FARP1: variants seen among roughly 807,000 people sequenced by gnomAD.
FARP1 encodes the protein FERM, ARHGEF and pleckstrin domain-containing protein 1.
Under a neutral mutation model 128.8 loss-of-function variants are expected in FARP1, and 52 were observed. That is an observed-to-expected ratio of 0.40 (90% CI 0.32 to 0.51). The LOEUF is 0.51. FARP1 is among the 20% of genes least tolerant of loss of function. FARP1 has a pLI of 0.45. For synonymous variants in FARP1, 580 were observed against 551.8 expected, an observed-to-expected ratio of 1.05 and a Z score of -0.72; for missense variants, 1,333 against 1,367.9, an observed-to-expected ratio of 0.97 and a Z score of 0.40.
At chr13:98,144,133 T>G (rs1308143266) in intron 1 of FARP1, among the ~76,000 whole-genome samples, 2 of 152,124 alleles carry the variant, frequency 1.3e-5, no homozygotes, top group Non-Finnish European at 2.9e-5. Context: ...CCAAACAACT[T>G]CTGATTGTGG....
intron 2 of FARP1, among the ~76,000 whole-genome samples, chr13:98,222,741 C>T (rs1881493232): frequency 6.6e-6 from 1 of 151,512 alleles, no homozygotes; most frequent in Non-Finnish European, 1.5e-5. Flanking sequence ...CCTGCCTCAG[C>T]CTCCCCAGTA....
chr13:98,177,046 G>T, intron 1 of FARP1: 3 of 1,593,746 alleles, frequency 1.9e-6, no homozygotes, highest in Admixed American at 3.4e-5. Context: ...CCGGGGCCTC[G>T]GTGCCACCCG....
chr13:98,308,557 A>C (rs1175545852), intron 2 of FARP1, among the ~76,000 whole-genome samples: 1 of 152,234 alleles, frequency 6.6e-6, no homozygotes, highest in African/African-American at 2.4e-5. Context: ...TCCAGACTAG[A>C]GTGTGCTGGA....
intron 2 of FARP1, among the ~76,000 whole-genome samples, chr13:98,239,150 C>A (rs1180652037): frequency 1.3e-5 from 2 of 152,150 alleles, no homozygotes; most frequent in African/African-American, 2.4e-5. Context: ...GGAAATAACA[C>A]CAGCATTCAG....
At chr13:98,165,709 GGTTTTTTTTTTTTTTT>G (rs1877204375) in intron 1 of FARP1, among the ~76,000 whole-genome samples, 1 of 102,404 alleles carries the variant, frequency 9.8e-6, no homozygotes, top group Non-Finnish European at 2.0e-5. Context: ...TTCCAGAAGG[GGTTTTTTTTTTTTTTT>G]TTTTTTTTTT....
chr13:98,430,476 C>G (rs186781752), intron 17 of FARP1, among the ~76,000 whole-genome samples: 1 of 152,306 alleles, frequency 6.6e-6, no homozygotes, highest in African/African-American at 2.4e-5. Flanking sequence ...GTCATCCAAG[C>G]GCTTACTCTG....
intron 1 of FARP1, among the ~76,000 whole-genome samples, chr13:98,178,175 G>A (rs1878234113): frequency 6.7e-6 from 1 of 148,158 alleles, no homozygotes; most frequent in South Asian, 2.1e-4. Flanking sequence ...TGGTACCTAA[G>A]ATAATCATTT....
intron 5 of FARP1, among the ~76,000 whole-genome samples, chr13:98,369,513 C>T (rs563363335): frequency 7.2e-5 from 11 of 152,034 alleles, no homozygotes; most frequent in African/African-American, 1.9e-4. Flanking sequence ...TATCCCTCCC[C>T]GCTCCCCCCA....
In FARP1 at chr13:98,417,455, GAAAAAAAAAAAAAA is replaced by G. The variant is rs869304302; in HGVS notation, c.1826+5437_1826+5450del. Among the ~76,000 whole-genome samples the G allele has an allele frequency of 2.5e-3, 144 of 58,482 alleles. 3 individuals carry two copies. Among genetic ancestry groups the G allele is most frequent in the African/African-American group, 7.6e-3 (133 of 17,470 alleles). The allele number at this position is 58,482 out of a possible 152,430, so 38.4% of individuals were successfully genotyped here. A position where few individuals can be genotyped will look rare whatever the true frequency, so the allele number is the denominator to read the frequency against. ...AGGAAACAGAGGCCACCAGAGGTTT[GAAAAAAAAAAAAAA>G]AAAAAAAAAAAAAAAGAACACATGG... On this transcript the variant is annotated intron_variant, in intron 16 of 26. Coordinates refer to ENST00000319562, the MANE Select transcript of FARP1 (RefSeq NM_005766.4).
intron 2 of FARP1, among the ~76,000 whole-genome samples, chr13:98,283,033 A>G (rs979281842): frequency 6.6e-6 from 1 of 152,232 alleles, no homozygotes; most frequent in Non-Finnish European, 1.5e-5. Flanking sequence ...TACTGAAATA[A>G]TCATGCTTAT....
At chr13:98,368,336 C>T in intron 5 of FARP1, 141 bp downstream of exon 5, 1 of 625,914 alleles carries the variant, frequency 1.6e-6, no homozygotes, top group Non-Finnish European at 2.7e-6. Context: ...TTTAACCTTC[C>T]TCTTTCCCAG....
intron 16 of FARP1, among the ~76,000 whole-genome samples, chr13:98,419,483 TAC>T (rs57751374): frequency 0.016 from 2,278 of 139,974 alleles, 64 homozygotes; most frequent in African/African-American, 0.054. Context: ...CAAAAAAAAA[TAC>T]ACACACACAC....
At chr13:98,395,629 G>A in intron 13 of FARP1, 153 bp downstream of exon 13, 1 of 961,094 alleles carries the variant, frequency 1.0e-6, no homozygotes, top group Non-Finnish European at 1.5e-6. Context: ...CAATTATGAG[G>A]GTGATCTGAC....
chr13:98,283,677 C>T (rs942722088), intron 2 of FARP1, among the ~76,000 whole-genome samples: 7 of 152,116 alleles, frequency 4.6e-5, no homozygotes, highest in South Asian at 2.1e-4. Flanking sequence ...TTGTGCTCTT[C>T]TATAATTAGC....
In FARP1 at chr13:98,409,412, A is replaced by T; in HGVS notation, c.1489A>T (p.Thr497Ser). 6.2e-7 allele frequency: 1 copy of T among 1,613,642 alleles called. No individual in the cohort carries two copies. The highest frequency in any genetic ancestry group is 1.1e-5 in the South Asian group (1 of 91,050). ...GGGGGGAGTGGCCCCTGCCAACGTG[A>T]CCTTGTCTCCCAACCTGAGCCCCGA... ...SQGGVAPANVTLSPNLSPDTK... is the reference protein window; with the variant it reads ...SQGGVAPANVSLSPNLSPDTK... The change falls in exon 14 of 27, where the codon ACC (threonine) becomes TCC (serine). Residue 497 changes from threonine to serine, a missense_variant. Physicochemically the swap from Thr to Ser is moderately conservative, Grantham distance 58. Around this residue, in one of 2 missense-constraint regions of FARP1, gnomAD observed 1,009 missense variants for 969.8 expected, o/e 1.04. Coordinates refer to ENST00000319562, the MANE Select transcript of FARP1 (RefSeq NM_005766.4).
chr13:98,206,102 G>A (rs906239920), intron 1 of FARP1, among the ~76,000 whole-genome samples: 2 of 151,850 alleles, frequency 1.3e-5, no homozygotes, highest in African/African-American at 4.8e-5. Context: ...GTATGAAGTA[G>A]CTCTTTGCAG....
chr13:98,389,965 C>T lies in FARP1; in HGVS notation c.864C>T (p.Tyr288=). The change falls in exon 10 of 27, where the codon TAC becomes TAT. Residue 288 remains tyrosine, a synonymous_variant. Coordinates refer to ENST00000319562, the MANE Select transcript of FARP1 (RefSeq NM_005766.4). ...IKLRPDANSA[Y]QDTLEFLMAS... is the part of the protein sequence containing the mutation. ...GTATTTTCCCTTTTTAGAGTGCGTACCAGGATACCTTGGAATTCCTGATGG... is the reference window on the plus strand; with the variant it reads ...GTATTTTCCCTTTTTAGAGTGCGTATCAGGATACCTTGGAATTCCTGATGG... 6.2e-7 allele frequency: 1 copy of T among 1,614,068 alleles called. No homozygotes were observed. Among genetic ancestry groups the T allele is most frequent in the Non-Finnish European group, 8.5e-7 (1 of 1,179,990 alleles).
chr13:98,446,088 T>TGC lies in FARP1; in HGVS notation c.2797-9_2797-8dup. 6.2e-7 allele frequency: 1 copy of TGC among 1,602,566 alleles called. No homozygotes were observed. Reference sequence around the variant, plus strand: ...CCGCTGTGCTTCTCACAGGCCTCCTTGCCTTTCAGAATCAGTTGTCTGGAA... The same window carrying TGC: ...CCGCTGTGCTTCTCACAGGCCTCCTTGCGCCTTTCAGAATCAGTTGTCTGGAA... On this transcript the variant is annotated splice_polypyrimidine_tract_variant and intron_variant, in intron 24 of 26. Coordinates refer to ENST00000319562, the MANE Select transcript of FARP1 (RefSeq NM_005766.4).
At chr13:98,154,267 T>C (rs976427145) in intron 1 of FARP1, among the ~76,000 whole-genome samples, 1 of 152,244 alleles carries the variant, frequency 6.6e-6, no homozygotes, top group Non-Finnish European at 1.5e-5. Context: ...TGGATGAAGT[T>C]TGATTTCTCA....
Sources: gnomAD v4.1 joint callset for allele counts (sites outside exome capture counted in the v4.1 genomes callset) on GRCh38, gnomAD v4.1.1 for gene constraint, gnomAD v4.1.1 regional missense constraint, MANE v1.5 for transcripts, NCBI Gene and HGNC (gene_info 2026-07-23, HGNC 2026-07-21) for gene names.